NELL2: variants seen among roughly 807,000 people sequenced by gnomAD.
NELL2 encodes protein kinase C-binding protein NELL2.
In NELL2, 41 loss-of-function variants were observed where a neutral mutation model predicts 109.6. The observed-to-expected ratio is 0.37, with a 90% CI of 0.29 to 0.49. The LOEUF is 0.49. Among genes scored for constraint, NELL2 ranks in the 20% least tolerant of loss-of-function variants. The pLI is 0.98. For missense variants in NELL2, 900 were observed against 1,008.3 expected, an observed-to-expected ratio of 0.89 and a Z score of 1.45; for synonymous variants, 355 against 344.7, an observed-to-expected ratio of 1.03 and a Z score of -0.33.
intron 1 of NELL2, among the ~76,000 whole-genome samples, chr12:44,886,497 G>A (rs1400759892): frequency 2.6e-5 from 4 of 151,500 alleles, no homozygotes; most frequent in South Asian, 4.2e-4. Context: ...AAAAAAGATA[G>A]GCAAAATATT....
chr12:44,638,342 C>T (rs1190846359), intron 13 of NELL2, among the ~76,000 whole-genome samples: 1 of 152,092 alleles, frequency 6.6e-6, no homozygotes. Flanking sequence ...ATAGATAGCA[C>T]TGTGAGGTAA....
chr12:44,573,472 T>C (rs146966774), intron 15 of NELL2, among the ~76,000 whole-genome samples: 61 of 152,224 alleles, frequency 4.0e-4, no homozygotes, highest in African/African-American at 1.4e-3. Flanking sequence ...ATCAATTAAA[T>C]AATGAATACC....
intron 2 of NELL2, among the ~76,000 whole-genome samples, chr12:44,844,391 TG>T (rs1249329790): frequency 5.3e-5 from 8 of 152,226 alleles, no homozygotes; most frequent in African/African-American, 1.9e-4. Flanking sequence ...TATAACAACA[TG>T]GATGAATCTC....
intron 9 of NELL2, among the ~76,000 whole-genome samples, chr12:44,749,724 C>G (rs1008709200): frequency 2.0e-5 from 3 of 152,064 alleles, no homozygotes; most frequent in African/African-American, 7.2e-5. Context: ...TGAGGGCGTT[C>G]TTACAGCAAT....
chr12:44,740,461 C>T (rs1447692394), intron 9 of NELL2, among the ~76,000 whole-genome samples: 1 of 152,106 alleles, frequency 6.6e-6, no homozygotes, highest in Non-Finnish European at 1.5e-5. Flanking sequence ...CAAATTTTCT[C>T]TTTATTTTTC....
intron 13 of NELL2, among the ~76,000 whole-genome samples, chr12:44,622,722 T>C (rs1946103974): frequency 6.6e-6 from 1 of 152,060 alleles, no homozygotes; most frequent in Admixed American, 6.6e-5. Context: ...TTATAGAAAA[T>C]AGAATGATTC....
chr12:44,859,490 G>C (rs548547740), intron 2 of NELL2, among the ~76,000 whole-genome samples: 3 of 152,312 alleles, frequency 2.0e-5, no homozygotes, highest in African/African-American at 4.8e-5. Flanking sequence ...GCAGTGAGCT[G>C]AGATTGCACC....
intron 2 of NELL2, among the ~76,000 whole-genome samples, chr12:44,842,541 T>C (rs1277220795): frequency 1.3e-5 from 2 of 152,154 alleles, no homozygotes; most frequent in African/African-American, 4.8e-5. Context: ...TAGCCAAAGA[T>C]TTGTTAGAGC....
At chr12:44,768,893 T>A (rs1389104553) in intron 9 of NELL2, among the ~76,000 whole-genome samples, 1 of 152,180 alleles carries the variant, frequency 6.6e-6, no homozygotes, top group East Asian at 1.9e-4. Context: ...ATATTTCCCA[T>A]GCTTCCAGCA....
intron 13 of NELL2, among the ~76,000 whole-genome samples, chr12:44,657,840 T>C (rs1007929400): frequency 6.6e-6 from 1 of 152,208 alleles, no homozygotes; most frequent in Non-Finnish European, 1.5e-5. Context: ...TAGTATTCCA[T>C]GATGTATATG....
At chr12:44,737,712 C>T (rs1277875208) in intron 9 of NELL2, among the ~76,000 whole-genome samples, 2 of 151,910 alleles carry the variant, frequency 1.3e-5, no homozygotes, top group South Asian at 2.1e-4. Context: ...GGTCATTATA[C>T]GTGGGTTTTG....
chr12:44,755,070 C>T (rs1940824050), intron 9 of NELL2, among the ~76,000 whole-genome samples: 1 of 152,164 alleles, frequency 6.6e-6, no homozygotes, highest in South Asian at 2.1e-4. Context: ...CCAACCTCCT[C>T]CTCACTGCCA....
chr12:44,704,362 A>T (rs534302112), intron 11 of NELL2, among the ~76,000 whole-genome samples: 1 of 152,284 alleles, frequency 6.6e-6, no homozygotes, highest in East Asian at 1.9e-4. Flanking sequence ...ATGAATATTA[A>T]ATCACTTTAA....
At chr12:44,570,470 C>T (rs1471777340) in intron 15 of NELL2, among the ~76,000 whole-genome samples, 6 of 152,124 alleles carry the variant, frequency 3.9e-5, no homozygotes, top group African/African-American at 9.7e-5. Flanking sequence ...TTGCAACAAT[C>T]GAAGCCGATA....
intron 1 of NELL2, 21 bp from the exon 2 acceptor site, chr12:44,875,374 GGA>G (rs746601065): frequency 5.0e-6 from 8 of 1,613,820 alleles, no homozygotes; most frequent in Non-Finnish European, 5.9e-6. Flanking sequence ...GTATGAGGTG[GGA>G]GAGAGAAAAA....
intron 9 of NELL2, among the ~76,000 whole-genome samples, chr12:44,722,250 AC>A (rs1273259188): frequency 1.3e-5 from 2 of 152,112 alleles, no homozygotes; most frequent in Non-Finnish European, 2.9e-5. Context: ...ATGAACTGCA[AC>A]CTCAACCTCC....
intron 13 of NELL2, among the ~76,000 whole-genome samples, 172 bp from the exon 14 acceptor site, chr12:44,611,142 A>G (rs555917739): frequency 6.6e-6 from 1 of 152,190 alleles, no homozygotes; most frequent in African/African-American, 2.4e-5. Context: ...TTCTTGATGT[A>G]CATACAAGTT....
intron 12 of NELL2, among the ~76,000 whole-genome samples, chr12:44,683,234 G>T (rs966478553): frequency 6.6e-6 from 1 of 152,116 alleles, no homozygotes. Flanking sequence ...TGTTATTGGT[G>T]TATAAGAATG....
At chr12:44,680,227 A>G (rs1948452361) in intron 12 of NELL2, among the ~76,000 whole-genome samples, 4 of 152,146 alleles carry the variant, frequency 2.6e-5, no homozygotes, top group Admixed American at 2.6e-4. Context: ...AGCCACTCCA[A>G]TTTCCAATTG....
Sources: allele counts gnomAD v4.1 joint callset (sites outside exome capture counted in the v4.1 genomes callset), GRCh38; gene constraint gnomAD v4.1.1; transcripts MANE v1.5; gene names NCBI Gene and HGNC (gene_info 2026-07-23, HGNC 2026-07-21).